Variants in MET observed in about 807,000 individuals in gnomAD.
The protein encoded by MET is hepatocyte growth factor receptor.
MET carries 48 observed loss-of-function variants against 133.1 expected under a neutral mutation model. The ratio of observed to expected loss-of-function variants is 0.36; its 90% CI spans 0.29 to 0.46. The LOEUF (loss-of-function observed/expected upper bound fraction) is 0.46, where lower values mean the gene tolerates loss of function less well. Ranked by LOEUF, MET falls within the 20% of genes least tolerant of loss-of-function variation. MET has a pLI of 1.00. For missense variants in MET, 1,442 were observed against 1,695.9 expected, an observed-to-expected ratio of 0.85 and a Z score of 2.63; for synonymous variants, 628 against 616.5, an observed-to-expected ratio of 1.02 and a Z score of -0.28.
At chr7:116,718,410 T>G (rs1398339494) in intron 2 of MET, among the ~76,000 whole-genome samples, 2 of 151,886 alleles carry the variant, frequency 1.3e-5, no homozygotes, top group East Asian at 3.9e-4. Context: ...TAAATAAAAA[T>G]TTTAAAAAAT....
chr7:116,710,630 G>A (rs986821204), intron 2 of MET, among the ~76,000 whole-genome samples: 3 of 151,658 alleles, frequency 2.0e-5, no homozygotes, highest in Non-Finnish European at 4.4e-5. Flanking sequence ...CACTATTTGC[G>A]GCACAGTTAC....
intron 19 of MET, among the ~76,000 whole-genome samples, chr7:116,784,117 C>T (rs1046556653): frequency 5.3e-5 from 8 of 152,082 alleles, no homozygotes; most frequent in Non-Finnish European, 8.8e-5. Context: ...ATGGAAATAC[C>T]GATCCAGGTG....
intron 2 of MET, among the ~76,000 whole-genome samples, chr7:116,731,244 T>G (rs531448212): frequency 6.6e-5 from 10 of 152,184 alleles, no homozygotes; most frequent in Non-Finnish European, 1.3e-4. Context: ...TGCACAAGAA[T>G]GCACAAAGGC....
At chr7:116,793,922 A>G (rs1238359909) in intron 19 of MET, among the ~76,000 whole-genome samples, 2 of 151,788 alleles carry the variant, frequency 1.3e-5, no homozygotes. Flanking sequence ...GGAAAGAAAG[A>G]ACACATGTGT....
intron 8 of MET, among the ~76,000 whole-genome samples, chr7:116,758,210 C>A (rs765356988): frequency 6.6e-6 from 1 of 152,074 alleles, no homozygotes; most frequent in Admixed American, 6.5e-5. Flanking sequence ...TCAGTTTAAT[C>A]AAGTACCAAA....
intron 1 of MET, among the ~76,000 whole-genome samples, chr7:116,684,351 A>G (rs1796469590): frequency 6.6e-6 from 1 of 152,208 alleles, no homozygotes; most frequent in African/African-American, 2.4e-5. Context: ...CATTCATTCA[A>G]TAAATGCTTA....
chr7:116,784,967 C>A (rs1363079810), intron 19 of MET, among the ~76,000 whole-genome samples: 3 of 152,204 alleles, frequency 2.0e-5, no homozygotes, highest in Non-Finnish European at 4.4e-5. Context: ...GCTCCCATTC[C>A]AAACGGGAGA....
intron 5 of MET, among the ~76,000 whole-genome samples, chr7:116,742,831 T>G (rs1259423757): frequency 6.6e-6 from 1 of 152,214 alleles, no homozygotes; most frequent in African/African-American, 2.4e-5. Flanking sequence ...GCAGGGCAGC[T>G]GAGTCCATAA....
intron 12 of MET, 62 bp from the exon 13 acceptor site, chr7:116,771,436 C>G (rs2116990690): frequency 6.3e-7 from 1 of 1,597,620 alleles, no homozygotes; most frequent in Non-Finnish European, 8.6e-7. Flanking sequence ...AGTGCTACAA[C>G]CTGTGTAGTA....
chr7:116,711,070 G>A (rs1337400253), intron 2 of MET, among the ~76,000 whole-genome samples: 1 of 152,216 alleles, frequency 6.6e-6, no homozygotes, highest in Non-Finnish European at 1.5e-5. Context: ...CTGTTCCAGT[G>A]AATGGCTGGC....
intron 5 of MET, among the ~76,000 whole-genome samples, chr7:116,751,014 C>A (rs536965200): frequency 2.3e-4 from 35 of 152,094 alleles, no homozygotes; most frequent in Non-Finnish European, 4.1e-4. Flanking sequence ...GACAGTATGG[C>A]GATTCCTCAA....
chr7:116,755,723 A>G (rs1181937823), intron 6 of MET, among the ~76,000 whole-genome samples: 1 of 152,214 alleles, frequency 6.6e-6, no homozygotes, highest in East Asian at 1.9e-4. Flanking sequence ...GACATGGCCT[A>G]GGTGAAGAGA....
At chr7:116,772,038 T>C (rs1794854824) in intron 14 of MET, 49 bp downstream of exon 14, 5 of 1,597,796 alleles carry the variant, frequency 3.1e-6, no homozygotes, top group Non-Finnish European at 4.3e-6. Context: ...TATACCTCAG[T>C]GGGTTGTGAC....
chr7:116,676,256 C>T (rs971806579), intron 1 of MET, among the ~76,000 whole-genome samples: 2 of 152,010 alleles, frequency 1.3e-5, no homozygotes, highest in Non-Finnish European at 2.9e-5. Context: ...GGCCCACAGG[C>T]GATTATATAA....
chr7:116,731,913 A>G (rs891844831), intron 3 of MET, 54 bp downstream of exon 3: 1 of 1,586,482 alleles, frequency 6.3e-7, no homozygotes, highest in Admixed American at 1.7e-5. Flanking sequence ...TGTGCAATTA[A>G]TTTGTTTTCG....
At chr7:116,756,567 ATT>A (rs1024667425) in intron 6 of MET, among the ~76,000 whole-genome samples, 3 of 152,216 alleles carry the variant, frequency 2.0e-5, no homozygotes, top group Admixed American at 6.5e-5. Context: ...AGCATAATTC[ATT>A]CTCTCCTTTA....
At chr7:116,687,496 A>G (rs975054406) in intron 1 of MET, among the ~76,000 whole-genome samples, 9 of 152,174 alleles carry the variant, frequency 5.9e-5, no homozygotes, top group Non-Finnish European at 8.8e-5. Context: ...TTCTTCTTCC[A>G]ACACTGTTAG....
intron 5 of MET, among the ~76,000 whole-genome samples, chr7:116,746,938 T>C (rs1793715096): frequency 6.6e-6 from 1 of 151,752 alleles, no homozygotes; most frequent in South Asian, 2.1e-4. Context: ...AAAAAATATA[T>C]ATAAAAAAAG....
intron 2 of MET, among the ~76,000 whole-genome samples, chr7:116,717,941 G>T (rs1792310388): frequency 6.6e-6 from 1 of 152,014 alleles, no homozygotes; most frequent in South Asian, 2.1e-4. Flanking sequence ...AAAAGAATCT[G>T]GCAAGTACTC....
Sources: gnomAD v4.1 joint callset for allele counts (sites outside exome capture counted in the v4.1 genomes callset) on GRCh38, gnomAD v4.1.1 for gene constraint, MANE v1.5 for transcripts, NCBI Gene and HGNC (gene_info 2026-07-23, HGNC 2026-07-21) for gene names.